Variants in MAP3K20 observed in about 807,000 individuals in gnomAD.
MAP3K20 encodes mitogen-activated protein kinase kinase kinase 20, also known as HCCS-4.
A neutral mutation model predicts 85.7 loss-of-function variants in MAP3K20; 40 were observed. The observed-to-expected ratio is 0.47, with a 90% CI of 0.36 to 0.61. MAP3K20 has a LOEUF of 0.61. MAP3K20 is among the 20% of genes least tolerant of loss of function. The probability of loss-of-function intolerance (pLI) is 0.00; values close to 1 mark genes in which losing one functional copy is unlikely to be tolerated. For missense variants in MAP3K20, 817 were observed against 961.7 expected (o/e 0.85, Z 1.99); for synonymous variants, 325 against 327.7 (o/e 0.99, Z 0.09).
chr2:173,199,359 T>C (rs865900114), intron 8 of MAP3K20, among the ~76,000 whole-genome samples: 1 of 152,228 alleles, frequency 6.6e-6, no homozygotes, highest in African/African-American at 2.4e-5. Flanking sequence ...GAAAAGGAGT[T>C]ATATGCAAGA....
chr2:173,254,347 T>C (rs1011569147), intron 16 of MAP3K20, among the ~76,000 whole-genome samples: 3 of 148,046 alleles, frequency 2.0e-5, no homozygotes, highest in African/African-American at 7.6e-5. Flanking sequence ...GGCAGGAGAA[T>C]GGTGTGAACC....
intron 2 of MAP3K20, among the ~76,000 whole-genome samples, chr2:173,137,921 G>A (rs2106209602): frequency 6.6e-6 from 1 of 152,246 alleles, no homozygotes; most frequent in Non-Finnish European, 1.5e-5. Flanking sequence ...TTTATTCCAG[G>A]TAAGTAGCTT....
intron 2 of MAP3K20, among the ~76,000 whole-genome samples, chr2:173,134,403 T>C (rs1379316344): frequency 0.016 from 163 of 9,922 alleles, 6 homozygotes; most frequent in Non-Finnish European, 0.023. Context: ...CATATATATA[T>C]ATATATATAT....
At chr2:173,169,680 A>G in intron 2 of MAP3K20, 125 bp from the exon 3 acceptor site, 1 of 867,978 alleles carries the variant, frequency 1.2e-6, no homozygotes, top group South Asian at 1.7e-5. Context: ...AGATCACACC[A>G]CTGTACTCTA....
intron 4 of MAP3K20, among the ~76,000 whole-genome samples, chr2:173,185,389 A>G (rs1252428896): frequency 6.6e-6 from 1 of 152,128 alleles, no homozygotes; most frequent in African/African-American, 2.4e-5. Context: ...TTGTATGTTT[A>G]TGGACGCAAG....
At chr2:173,225,051 C>G in intron 11 of MAP3K20, 2 of 984,952 alleles carry the variant, frequency 2.0e-6, no homozygotes, top group Non-Finnish European at 2.4e-6. Flanking sequence ...GAATAATTAT[C>G]AGAGACATGC....
At chr2:173,084,807 A>T (rs1165965993) in intron 1 of MAP3K20, among the ~76,000 whole-genome samples, 1 of 152,238 alleles carries the variant, frequency 6.6e-6, no homozygotes, top group Admixed American at 6.5e-5. Context: ...TGTATACCAT[A>T]TACTAGGCAC....
chr2:173,078,819 G>A (rs1686936477), intron 1 of MAP3K20, among the ~76,000 whole-genome samples: 1 of 152,106 alleles, frequency 6.6e-6, no homozygotes, highest in Non-Finnish European at 1.5e-5. Flanking sequence ...GAAGGAGGAG[G>A]CAGAATGTTA....
intron 16 of MAP3K20, among the ~76,000 whole-genome samples, chr2:173,245,017 G>C (rs1440811284): frequency 6.6e-6 from 1 of 152,064 alleles, no homozygotes; most frequent in Non-Finnish European, 1.5e-5. Flanking sequence ...TCTTTTACAA[G>C]TAAAATGAAA....
chr2:173,219,023 T>C (rs771348059), intron 11 of MAP3K20, among the ~76,000 whole-genome samples: 3 of 152,224 alleles, frequency 2.0e-5, no homozygotes, highest in Non-Finnish European at 4.4e-5. Flanking sequence ...GAGATAAGTT[T>C]TCTTTCTTTA....
At chr2:173,150,915 G>A (rs867806576) in intron 2 of MAP3K20, among the ~76,000 whole-genome samples, 5 of 152,192 alleles carry the variant, frequency 3.3e-5, no homozygotes, top group South Asian at 2.1e-4. Context: ...ATTTATTGAG[G>A]AAAACCATGC....
chr2:173,192,420 T>C (rs1210924292), intron 7 of MAP3K20, among the ~76,000 whole-genome samples: 4 of 152,142 alleles, frequency 2.6e-5, no homozygotes, highest in East Asian at 1.9e-4. Context: ...ATTGAAAAAA[T>C]CATTTCAAGA....
chr2:173,130,807 G>A (rs1688595009), intron 2 of MAP3K20, among the ~76,000 whole-genome samples: 1 of 152,104 alleles, frequency 6.6e-6, no homozygotes, highest in South Asian at 2.1e-4. Flanking sequence ...TGAGACAGTG[G>A]GAATTCTTGC....
intron 10 of MAP3K20, chr2:173,211,474 C>G (rs1196361442): frequency 6.6e-6 from 1 of 152,318 alleles, no homozygotes; most frequent in Non-Finnish European, 1.5e-5. Context: ...CGCCTGCCGT[C>G]ACACCCCACC....
intron 11 of MAP3K20, 47 bp from the exon 12 acceptor site, chr2:173,229,642 T>C (rs760876056): frequency 9.3e-6 from 15 of 1,610,540 alleles, no homozygotes; most frequent in Non-Finnish European, 1.2e-5. Flanking sequence ...AAAAAGACAA[T>C]GATAATATTA....
chr2:173,261,216 A>C, intron 18 of MAP3K20, 79 bp downstream of exon 18: 1 of 1,461,656 alleles, frequency 6.8e-7, no homozygotes, highest in Non-Finnish European at 9.5e-7. Context: ...CAGAGCATAT[A>C]ATTTATTGGG....
At chr2:173,177,564 C>T (rs770867321) in intron 3 of MAP3K20, among the ~76,000 whole-genome samples, 13 of 150,652 alleles carry the variant, frequency 8.6e-5, no homozygotes, top group African/African-American at 1.9e-4. Flanking sequence ...TCTCCTGCCT[C>T]GGCCTCCCGA....
At chr2:173,183,826 A>G (rs1690403271) in intron 4 of MAP3K20, among the ~76,000 whole-genome samples, 1 of 152,156 alleles carries the variant, frequency 6.6e-6, no homozygotes, top group African/African-American at 2.4e-5. Context: ...GTGATTTAGC[A>G]CTCAGTAAGG....
In MAP3K20 at chr2:173,183,044, C is replaced by T. The variant is rs1021869486; in HGVS notation, c.349+89C>T. ...ACTTAACATCAGAAAATGTTTTATT[C>T]TGTCTTTAGATGTTCTTTTTCCAGA... On this transcript the variant is annotated intron_variant, in intron 4 of 19. Coordinates refer to ENST00000375213, the MANE Select transcript of MAP3K20 (RefSeq NM_016653.3). 3.9e-6 allele frequency: 4 copies of T among 1,037,174 alleles called. No individual in the cohort carries two copies. The African/African-American group carries it at 6.6e-5, about 17-fold the overall frequency. The allele number at this position is 1,037,174 out of a possible 1,614,324, so 64.2% of individuals were successfully genotyped here.
Sources: gnomAD v4.1 joint callset for allele counts (sites outside exome capture counted in the v4.1 genomes callset) on GRCh38, gnomAD v4.1.1 for gene constraint, MANE v1.5 for transcripts, NCBI Gene and HGNC (gene_info 2026-07-23, HGNC 2026-07-21) for gene names.